The following ADGRA2 variants were observed in gnomAD, a reference collection of about 807,000 sequenced individuals.
ADGRA2 encodes the protein adhesion G protein-coupled receptor A2, also known as G-protein coupled receptor 124.
ADGRA2 carries 61 observed loss-of-function variants against 98.7 expected under a neutral mutation model. The ratio of observed to expected loss-of-function variants is 0.62; its 90% CI spans 0.50 to 0.76. The LOEUF is 0.76. ADGRA2 is among the 30% of genes least tolerant of loss of function. The pLI, the probability that ADGRA2 is intolerant of heterozygous loss-of-function variation, is 0.00. For missense variants in ADGRA2, 1,712 were observed against 1,860.0 expected (o/e 0.92, Z 1.46); for synonymous variants, 858 against 831.5 (o/e 1.03, Z -0.55).
rs774905494 is a variant in ADGRA2, at chr8:37,844,491, CAGGG to C, written c.*2141_*2144del. On this transcript the variant is annotated 3_prime_UTR_variant, in exon 19 of 19. Transcript: ENST00000412232. The stretch of plus-strand genomic sequence containing the variant: ...TGAAGTGCTCCCAGTGGATATCCAT[CAGGG>C]AGGGTTAGGGACACTCGTGGCAGCC... 6.1e-5 allele frequency: 99 copies of C among 1,611,908 alleles called. No homozygotes were observed. The highest frequency in any genetic ancestry group is 8.1e-5 in the Non-Finnish European group (95 of 1,179,396).
rs749917604 is a variant in ADGRA2, at chr8:37,841,480, G to C, written c.3142G>C (p.Val1048Leu). ...AGTGTCCCAGCGCTGGCTGCCCCGG[G>C]TGGTGTGCAGCTGCTTGTACGGGGT... ...LAVSQRWLPR[V>L]VCSCLYGVAA... Residue 1048 changes from valine (V) to leucine (L), a missense_variant, in exon 19 of 19, where the codon GTG becomes CTG. By Grantham distance (32) the Val-to-Leu change is conservative (BLOSUM62 1). Coordinates refer to ENST00000412232, the MANE Select transcript of ADGRA2 (RefSeq NM_032777.10). The surrounding 1 kb of genome is among the most constrained non-coding windows in gnomAD (Gnocchi z 5.0). The C allele has an allele frequency of 2.5e-6, 4 of 1,613,052 alleles. No homozygotes were observed. Among genetic ancestry groups the C allele is most frequent in the South Asian group, 1.1e-5 (1 of 91,032 alleles).
At position 37,842,511 on chromosome 8, in the gene ADGRA2, G is replaced by C; in HGVS notation, c.*156G>C. On this transcript the variant is annotated 3_prime_UTR_variant, in exon 19 of 19. Coordinates refer to ENST00000412232, the MANE Select transcript of ADGRA2 (RefSeq NM_032777.10). ...CGGATGTTCCCCACTTGCCTAGAGG[G>C]CATCCCTCTGGGGTAGCGACAGACA... 1 of 1,246,098 alleles carries C rather than the reference G, an allele frequency of 8.0e-7. No homozygotes were observed. Among genetic ancestry groups the C allele is most frequent in the Non-Finnish European group, 1.0e-6 (1 of 952,932 alleles). 77.2% of individuals were successfully genotyped at this position (1,246,098 alleles called of 1,614,324 possible). A position where few individuals can be genotyped will look rare whatever the true frequency, so the allele number is the denominator to read the frequency against.
intron 14 of ADGRA2, 131 bp from the exon 15 acceptor site, chr8:37,838,825 C>G: frequency 9.0e-7 from 1 of 1,109,298 alleles, no homozygotes; most frequent in Non-Finnish European, 1.3e-6. Context: ...CCGAAGCTTT[C>G]CTCCCTGCCC....
chr8:37,808,135 C>T (rs922708464), intron 1 of ADGRA2, among the ~76,000 whole-genome samples: 2 of 152,202 alleles, frequency 1.3e-5, no homozygotes, highest in African/African-American at 2.4e-5. Flanking sequence ...ACTCGGTGTG[C>T]CCCCTCTCTC....
At chr8:37,809,500 C>A (rs4976891) in intron 1 of ADGRA2, among the ~76,000 whole-genome samples, 55,437 of 151,858 alleles carry the variant, frequency 0.37, 11,564 homozygotes, top group African/African-American at 0.58. Flanking sequence ...AAGATCCAAC[C>A]CTGGGTATCT....
chr8:37,807,733 G>A (rs1208515115), intron 1 of ADGRA2, among the ~76,000 whole-genome samples: 2 of 152,280 alleles, frequency 1.3e-5, no homozygotes, highest in East Asian at 3.9e-4. Context: ...TGGAGACAGG[G>A]CCTCCCAGAC....
chr8:37,810,623 A>C (rs941427272), intron 1 of ADGRA2, among the ~76,000 whole-genome samples: 6 of 152,068 alleles, frequency 3.9e-5, no homozygotes, highest in Admixed American at 3.9e-4. Flanking sequence ...TCGTCCTCCC[A>C]AGTAGCTAGG....
Position 37,830,625 on chromosome 8 carries a change from A to G in ADGRA2, c.719-85A>G. 4.3e-6 allele frequency: 1 copy of G among 234,606 alleles called. No homozygotes were observed. Among genetic ancestry groups the G allele is most frequent in the Non-Finnish European group, 8.4e-6 (1 of 119,058 alleles). 14.5% of individuals were successfully genotyped at this position (234,606 alleles called of 1,614,324 possible). On this transcript the variant is annotated intron_variant, in intron 6 of 18. Coordinates refer to ENST00000412232, the MANE Select transcript of ADGRA2 (RefSeq NM_032777.10). The surrounding 1 kb of genome is among the most constrained non-coding windows in gnomAD (Gnocchi z 4.8). ...CAGGCCGAGGGCCCCGCCCCGCCCCACCCCATCCTGCTGGACTCTCGCTCA... is the reference window on the plus strand; with the variant it reads ...CAGGCCGAGGGCCCCGCCCCGCCCCGCCCCATCCTGCTGGACTCTCGCTCA...
In ADGRA2 at chr8:37,797,363, G is replaced by A; in HGVS notation, c.95G>A (p.Arg32Gln). Residue 32 changes from arginine to glutamine, a missense_variant, in exon 1 of 19, where the codon CGG becomes CAG. Coordinates refer to ENST00000412232, the MANE Select transcript of ADGRA2 (RefSeq NM_032777.10). This position sits in a 1 kb window ranked among gnomAD's most constrained non-coding sequence, Gnocchi z 5.3. ...CTGCTGCTCCTGGCGCCCGAGGCTC[G>A]GGGCGCGCCCGGCTGCCCGCTATCC... ...WLLLLLAPEA[R>Q]GAPGCPLSIR... 1 of 1,416,050 alleles carries A rather than the reference G, an allele frequency of 7.1e-7. No individual in the cohort carries two copies. The highest frequency in any genetic ancestry group is 9.2e-7 in the Non-Finnish European group (1 of 1,086,434). 87.7% of individuals were successfully genotyped at this position (1,416,050 alleles called of 1,614,324 possible).
Position 37,834,279 on chromosome 8 carries a change from G to T in ADGRA2, c.1608+151G>T, listed in dbSNP as rs556661039. On this transcript the variant is annotated intron_variant, in intron 11 of 18. Transcript: ENST00000412232. This position sits in a 1 kb window ranked among gnomAD's most constrained non-coding sequence, Gnocchi z 4.2. ...GTTCACTTCCAAGTTGTCAGGGGCA[G>T]TGCTAAGGAGAGGTGGCCGGTGACC... 2.6e-6 allele frequency: 2 copies of T among 782,480 alleles called. No individual in the cohort carries two copies. The highest frequency in any genetic ancestry group is 3.5e-5 in the African/African-American group (2 of 57,524). The allele number at this position is 782,480 out of a possible 1,614,324, so 48.5% of individuals were successfully genotyped here.
rs756594430 is a variant in ADGRA2, at chr8:37,806,526, C to CTTTTTCTTTTTTTTT, written c.267-8365_267-8364insCTTTTTTTTTTTTTT. On this transcript the variant is annotated intron_variant, in intron 1 of 18. Transcript: ENST00000412232. ...CTTTTTCTTTTTCTTTTTTCTTTTT[C>CTTTTTCTTTTTTTTT]TTTTTTTTTTTTTTTTGAGACAGAG... is the stretch of plus-strand genomic sequence containing the variant. Among the ~76,000 whole-genome samples the CTTTTTCTTTTTTTTT allele has an allele frequency of 3.7e-3, 375 of 100,322 alleles. 5 individuals carry two copies. Among genetic ancestry groups the CTTTTTCTTTTTTTTT allele is most frequent in the Non-Finnish European group, 5.2e-3 (279 of 53,638 alleles). 65.8% of individuals were successfully genotyped at this position (100,322 alleles called of 152,430 possible).
intron 1 of ADGRA2, among the ~76,000 whole-genome samples, chr8:37,811,166 G>GTTTT (rs1310638484): frequency 2.3e-4 from 23 of 99,576 alleles, no homozygotes; most frequent in South Asian, 1.7e-3. Context: ...GTGTGTGTGT[G>GTTTT]TGTTTTTTTT....
intron 1 of ADGRA2, among the ~76,000 whole-genome samples, chr8:37,812,579 A>T (rs1050506015): frequency 7.2e-5 from 11 of 152,214 alleles, no homozygotes; most frequent in Non-Finnish European, 1.5e-4. Flanking sequence ...GTGGGCGGAG[A>T]TTGCACCACT....
In ADGRA2 at chr8:37,827,634, C is replaced by T. The variant is rs556040620; in HGVS notation, c.339-1254C>T. On this transcript the variant is annotated intron_variant, in intron 2 of 18. Coordinates refer to ENST00000412232, the MANE Select transcript of ADGRA2 (RefSeq NM_032777.10). Reference sequence around the variant, plus strand: ...TGTCTCCCGACACTGCGGGCTCCTGCGGAGACCCATGGAGAAGACAGGACT... The same window carrying T: ...TGTCTCCCGACACTGCGGGCTCCTGTGGAGACCCATGGAGAAGACAGGACT... Among the ~76,000 whole-genome samples the T allele has an allele frequency of 3.0e-4, 46 of 152,320 alleles. No individual in the cohort carries two copies. In the South Asian group the frequency reaches 8.5e-3, roughly 28 times the overall value.
Position 37,835,584 on chromosome 8 carries a change from C to T in ADGRA2, c.1864C>T (p.Pro622Ser), listed in dbSNP as rs1805586004. The T allele has an allele frequency of 1.9e-6, 3 of 1,613,088 alleles. No homozygotes were observed. Among genetic ancestry groups the T allele is most frequent in the Non-Finnish European group, 2.5e-6 (3 of 1,179,206 alleles). The stretch of plus-strand genomic sequence containing the variant: ...CGTGGCCCTGGCCTCCATCCAGCTG[C>T]CCCCGAGTCTATTCTCATCCCTTCC... ...NSVALASIQLPPSLFSSLPAA... is the reference protein window; with the variant it reads ...NSVALASIQLSPSLFSSLPAA... Residue 622 changes from proline to serine, a missense_variant, in exon 13 of 19, where the codon CCC (proline) becomes TCC (serine). By Grantham distance (74) the Pro-to-Ser change is moderately conservative. Transcript: ENST00000412232.
chr8:37,841,951 C>A lies in ADGRA2; in HGVS notation c.3613C>A (p.Arg1205Ser). The A allele has an allele frequency of 6.6e-7, 1 of 1,504,934 alleles. No individual in the cohort carries two copies. Among genetic ancestry groups the A allele is most frequent in the Non-Finnish European group, 8.8e-7 (1 of 1,135,670 alleles). 93.2% of individuals were successfully genotyped at this position (1,504,934 alleles called of 1,614,324 possible). The change falls in exon 19 of 19, where the codon CGC (arginine) becomes AGC (serine). Residue 1205 changes from arginine (R) to serine (S), a missense_variant. Physicochemically the swap from Arg to Ser is moderately radical, Grantham distance 110. Transcript: ENST00000412232. This position sits in a 1 kb window ranked among gnomAD's most constrained non-coding sequence, Gnocchi z 5.0. ...ACGKNRLKAL[R>S]GGAAGALELL... Reference sequence around the variant, plus strand: ...CGGCAAGAACCGGCTCAAGGCCCTGCGCGGGGGCGCGGCGGGGGCGCTGGA... The same window carrying A: ...CGGCAAGAACCGGCTCAAGGCCCTGAGCGGGGGCGCGGCGGGGGCGCTGGA...
rs577393225 is a variant in ADGRA2 at position 37,826,539 on chromosome 8, C to T, written c.339-2349C>T. ...TCTGGTGGCCCCTTCCCTTCCTTCT[C>T]CAGGGACTTGGGGTCATGGAGGCCG... On this transcript the variant is annotated intron_variant, in intron 2 of 18. Coordinates refer to ENST00000412232, the MANE Select transcript of ADGRA2 (RefSeq NM_032777.10). 3.9e-5 allele frequency among the ~76,000 whole-genome samples: 6 copies of T among 152,276 alleles called. No individual in the cohort carries two copies. The South Asian group carries it at 1.2e-3, about 32-fold the overall frequency.
intron 1 of ADGRA2, among the ~76,000 whole-genome samples, chr8:37,810,645 G>A (rs1173013302): frequency 6.6e-6 from 1 of 152,020 alleles, no homozygotes; most frequent in Admixed American, 6.5e-5. Context: ...CTACAGGCAG[G>A]CCACCACGTC....
rs1563357998 is a variant in ADGRA2 at position 37,844,784 on chromosome 8, T to C, written c.*2429T>C. ...GTCCCCACCCCGGTGGCTCCTTCTC[T>C]CGGGTCTCCACTTCTGCTGTCCCAT... On this transcript the variant is annotated 3_prime_UTR_variant, in exon 19 of 19. Transcript: ENST00000412232. 6.2e-7 allele frequency: 1 copy of C among 1,613,918 alleles called. No individual in the cohort carries two copies. Among genetic ancestry groups the C allele is most frequent in the Non-Finnish European group, 8.5e-7 (1 of 1,179,942 alleles).
Sources: allele counts gnomAD v4.1 joint callset (sites outside exome capture counted in the v4.1 genomes callset), GRCh38; gene constraint gnomAD v4.1.1; non-coding constraint Gnocchi (gnomAD v3.1); transcripts MANE v1.5; gene names NCBI Gene and HGNC (gene_info 2026-07-23, HGNC 2026-07-21).